Variants in STK33 observed in about 807,000 individuals in gnomAD.
The protein encoded by STK33 is serine/threonine kinase 33.
In STK33, 52 loss-of-function variants were observed where a neutral mutation model predicts 58.0. The ratio of observed to expected loss-of-function variants is 0.90; its 90% CI spans 0.72 to 1.13. The LOEUF is 1.13. Among genes scored for constraint, STK33 ranks in the 50% most tolerant of loss-of-function variants. STK33 has a pLI of 0.00. For missense variants in STK33, 630 were observed against 604.2 expected (o/e 1.04, Z -0.45); for synonymous variants, 215 against 200.1 (o/e 1.07, Z -0.63).
intron 15 of STK33, among the ~76,000 whole-genome samples, chr11:8,412,441 T>C (rs1350357770): frequency 6.6e-6 from 1 of 152,208 alleles, no homozygotes; most frequent in African/African-American, 2.4e-5. Context: ...ACATTTGCTA[T>C]AAAGTAATGA....
intron 15 of STK33, among the ~76,000 whole-genome samples, chr11:8,399,409 T>C (rs75368909): frequency 0.22 from 34,064 of 152,092 alleles, 4,139 homozygotes; most frequent in South Asian, 0.36. Flanking sequence ...AAGATGTTCT[T>C]TGAAACCAAT....
Position 8,398,037 on chromosome 11 carries a change from G to T in STK33, c.1345-5327C>A, listed in dbSNP as rs548671733. Among the ~76,000 whole-genome samples, 40 of 152,310 alleles carry T rather than the reference G, an allele frequency of 2.6e-4. No individual in the cohort carries two copies. The South Asian group carries it at 4.4e-3, about 17-fold the overall frequency. On this transcript the variant is annotated intron_variant, in intron 15 of 15. Coordinates refer to ENST00000687296, the MANE Select transcript of STK33 (RefSeq NM_001352389.2). Reference sequence around the variant, plus strand: ...ATGGAACCAAGTTGGAAAACACTCTGCACGATATTATCCAGGAGAACTTCC... The same window carrying T: ...ATGGAACCAAGTTGGAAAACACTCTTCACGATATTATCCAGGAGAACTTCC...
intron 1 of STK33, among the ~76,000 whole-genome samples, chr11:8,508,333 A>C (rs1224190442): frequency 7.0e-6 from 1 of 142,818 alleles, no homozygotes; most frequent in Admixed American, 7.4e-5. Flanking sequence ...TAGCTGCACA[A>C]TCATAGTTCA....
chr11:8,431,928 C>T (rs1173367790), intron 14 of STK33, among the ~76,000 whole-genome samples: 2 of 152,162 alleles, frequency 1.3e-5, no homozygotes, highest in Admixed American at 1.3e-4. Flanking sequence ...TGCCTCCATA[C>T]CTCTGGTCAT....
chr11:8,554,384 A>G (rs1025735868), intron 1 of STK33, among the ~76,000 whole-genome samples: 13 of 145,322 alleles, frequency 8.9e-5, no homozygotes, highest in Non-Finnish European at 1.9e-4. Context: ...ACGCCACTGC[A>G]CTCCAGCCTG....
rs1946453166 is a variant in STK33 at position 8,452,915 on chromosome 11, A to T, written c.787-9T>A. 1 of 1,612,710 alleles carries T rather than the reference A, an allele frequency of 6.2e-7. No homozygotes were observed. The highest frequency in any genetic ancestry group is 1.7e-5 in the Admixed American group (1 of 59,990). ...AAGCCAAAATCAGTCACCTGGGAGA[A>T]GAAATTCAAGCACAGTCACCTGTTT... On this transcript the variant is annotated splice_polypyrimidine_tract_variant and intron_variant, in intron 10 of 15. Coordinates refer to ENST00000687296, the MANE Select transcript of STK33 (RefSeq NM_001352389.2).
intron 2 of STK33, among the ~76,000 whole-genome samples, chr11:8,477,674 G>A (rs781419145): frequency 9.6e-5 from 13 of 135,834 alleles, no homozygotes; most frequent in Non-Finnish European, 2.0e-4. Flanking sequence ...AGATTTTGGG[G>A]GATCTAAAAA....
At position 8,437,592 on chromosome 11, in the gene STK33, A is replaced by G. The variant is rs118140601; in HGVS notation, c.948-1453T>C. 5.9e-5 allele frequency among the ~76,000 whole-genome samples: 9 copies of G among 152,370 alleles called. No individual in the cohort carries two copies. In the East Asian group the frequency reaches 1.7e-3, roughly 29 times the overall value. The stretch of plus-strand genomic sequence containing the variant: ...TTCCCAAACTGCTGGTCTACACTGT[A>G]CATAAGTATAATAATCTCTACATCT... On this transcript the variant is annotated intron_variant, in intron 12 of 15. Coordinates refer to ENST00000687296, the MANE Select transcript of STK33 (RefSeq NM_001352389.2).
intron 1 of STK33, among the ~76,000 whole-genome samples, chr11:8,538,026 A>C (rs1283210823): frequency 6.6e-6 from 1 of 151,994 alleles, no homozygotes; most frequent in African/African-American, 2.4e-5. Context: ...GTCTCTACCA[A>C]AAATACAAGA....
downstream of STK33, among the ~76,000 whole-genome samples, chr11:8,391,147 G>A (rs548743100): frequency 2.6e-5 from 4 of 152,234 alleles, no homozygotes; most frequent in Admixed American, 6.5e-5. Context: ...AACAGAACAC[G>A]CCCTTTAAAG....
At chr11:8,534,995 G>A (rs543321534) in intron 1 of STK33, among the ~76,000 whole-genome samples, 9 of 152,288 alleles carry the variant, frequency 5.9e-5, no homozygotes, top group Non-Finnish European at 1.2e-4. Context: ...TTAGAAAGAC[G>A]TCAGAGAAGG....
At chr11:8,505,048 T>C (rs960827918) in intron 1 of STK33, among the ~76,000 whole-genome samples, 5 of 152,182 alleles carry the variant, frequency 3.3e-5, no homozygotes, top group Non-Finnish European at 7.3e-5. Context: ...GCTTATACCA[T>C]GGAATTGGCA....
intron 1 of STK33, among the ~76,000 whole-genome samples, chr11:8,492,283 C>T (rs1456586071): frequency 2.6e-5 from 4 of 151,832 alleles, no homozygotes; most frequent in African/African-American, 9.7e-5. Flanking sequence ...AAAAAAAAAG[C>T]AGGGGTTGCA....
intron 15 of STK33, among the ~76,000 whole-genome samples, chr11:8,398,531 G>T (rs1160805709): frequency 6.6e-6 from 1 of 152,076 alleles, no homozygotes; most frequent in Non-Finnish European, 1.5e-5. Context: ...AGACCATCAA[G>T]GCTAGGAAGA....
rs369539698 is a variant in STK33 at position 8,490,274 on chromosome 11, A to T, written c.-465-9660T>A. The stretch of plus-strand genomic sequence containing the variant: ...CACACCAGGAGATTATATCCCCTGC[A>T]TGGCTGGATAGGTCCTACGCCTATG... On this transcript the variant is annotated intron_variant, in intron 1 of 15. Transcript: ENST00000687296. 2.6e-5 allele frequency among the ~76,000 whole-genome samples: 4 copies of T among 152,212 alleles called. No individual in the cohort carries two copies. The East Asian group carries it at 7.7e-4, about 29-fold the overall frequency.
chr11:8,351,619 A>T, the STK33 span, among the ~76,000 whole-genome samples: 1 of 152,128 alleles, frequency 6.6e-6, no homozygotes, highest in East Asian at 1.9e-4. Flanking sequence ...TCTCGACACC[A>T]TTTGACTCTG....
intron 1 of STK33, among the ~76,000 whole-genome samples, chr11:8,540,990 C>CTATATA (rs1382518084): frequency 7.3e-6 from 1 of 137,240 alleles, no homozygotes; most frequent in Non-Finnish European, 1.6e-5. Context: ...CTCTCTCTCT[C>CTATATA]TCTCTATATA....
intron 8 of STK33, among the ~76,000 whole-genome samples, chr11:8,461,482 A>G (rs527607139): frequency 2.6e-5 from 4 of 152,230 alleles, no homozygotes; most frequent in African/African-American, 9.6e-5. Flanking sequence ...TTAATGGAGA[A>G]ACTAAGGATC....
chr11:8,477,139 T>TACATACAC (rs1949351018), intron 3 of STK33, 111 bp downstream of exon 3: 1 of 141,158 alleles, frequency 7.1e-6, no homozygotes, highest in African/African-American at 2.6e-5. Context: ...CCACTCAAAA[T>TACATACAC]ACACACACAC....
Sources: allele counts gnomAD v4.1 joint callset (sites outside exome capture counted in the v4.1 genomes callset), GRCh38; gene constraint gnomAD v4.1.1; transcripts MANE v1.5; gene names NCBI Gene and HGNC (gene_info 2026-07-23, HGNC 2026-07-21).